Variants in C10orf90 observed in about 807,000 individuals in gnomAD.
The protein encoded by C10orf90 is chromosome 10 open reading frame 90.
Under a neutral mutation model 62.5 loss-of-function variants are expected in C10orf90, and 56 were observed. That is an observed-to-expected ratio of 0.90 (90% CI 0.72 to 1.12). The LOEUF (loss-of-function observed/expected upper bound fraction) is 1.12, where lower values mean the gene tolerates loss of function less well. Ranked by LOEUF, C10orf90 falls within the 50% of genes most tolerant of loss-of-function variation. The probability of loss-of-function intolerance (pLI) is 0.00; values close to 1 mark genes in which losing one functional copy is unlikely to be tolerated. For synonymous variants in C10orf90, 386 were observed against 340.4 expected, an observed-to-expected ratio of 1.13 and a Z score of -1.47; for missense variants, 970 against 880.4, an observed-to-expected ratio of 1.10 and a Z score of -1.29.
intron 2 of C10orf90, among the ~76,000 whole-genome samples, chr10:126,546,444 C>T (rs941622709): frequency 1.3e-5 from 2 of 152,172 alleles, no homozygotes; most frequent in Non-Finnish European, 2.9e-5. Context: ...ATCTCTTCCC[C>T]TCCCCACCAG....
chr10:126,634,986 C>T (rs1845921275), intron 2 of C10orf90, among the ~76,000 whole-genome samples: 1 of 152,208 alleles, frequency 6.6e-6, no homozygotes, highest in Non-Finnish European at 1.5e-5. Context: ...CCCTGACCCC[C>T]AGTGTTGCCC....
At chr10:126,667,163 A>T (rs1425098121) in intron 1 of C10orf90, among the ~76,000 whole-genome samples, 2 of 151,310 alleles carry the variant, frequency 1.3e-5, no homozygotes. Context: ...GATTCATGCC[A>T]TTCTCCTGCC....
At chr10:126,596,793 T>C (rs1247310803) in intron 2 of C10orf90, among the ~76,000 whole-genome samples, 2 of 152,222 alleles carry the variant, frequency 1.3e-5, no homozygotes, top group Non-Finnish European at 2.9e-5. Flanking sequence ...CATTGTAAAG[T>C]TGAAAAATCA....
intron 2 of C10orf90, among the ~76,000 whole-genome samples, chr10:126,630,169 A>T (rs1024960987): frequency 6.6e-6 from 1 of 152,144 alleles, no homozygotes; most frequent in Non-Finnish European, 1.5e-5. Context: ...CCACTTTAAT[A>T]ACAACAAAAT....
chr10:126,457,727 G>C (rs920831312), intron 7 of C10orf90, among the ~76,000 whole-genome samples: 2 of 152,164 alleles, frequency 1.3e-5, no homozygotes, highest in Non-Finnish European at 2.9e-5. Context: ...AGGGCCAGTG[G>C]AGGCACTGAA....
At chr10:126,579,396 A>T (rs1019304425) in intron 2 of C10orf90, among the ~76,000 whole-genome samples, 7 of 151,336 alleles carry the variant, frequency 4.6e-5, no homozygotes, top group African/African-American at 1.7e-4. Flanking sequence ...ACCCACCACC[A>T]TGCCCAGCTA....
At chr10:126,532,791 C>T (rs1864130724) in intron 2 of C10orf90, among the ~76,000 whole-genome samples, 2 of 107,114 alleles carry the variant, frequency 1.9e-5, no homozygotes, top group African/African-American at 3.8e-5. Flanking sequence ...GAGCCGAGAT[C>T]GCGCCACTGC....
At chr10:126,589,278 C>T (rs939618657) in intron 2 of C10orf90, among the ~76,000 whole-genome samples, 3 of 152,134 alleles carry the variant, frequency 2.0e-5, no homozygotes, top group East Asian at 1.9e-4. Flanking sequence ...AGTTGGAAAA[C>T]GTACTTCAGG....
At position 126,505,013 on chromosome 10, in the gene C10orf90, A is replaced by G; in HGVS notation, c.478T>C (p.Ser160Pro). The G allele has an allele frequency of 6.2e-7, 1 of 1,614,132 alleles. No homozygotes were observed. ...GGCAAGGAGGCCCTGTTTTCTCTTG[A>G]CTTATTCTCATCAATCATCTGGGAG... ...VISQMIDENKSRENRASLPLP... is the reference protein window; with the variant it reads ...VISQMIDENKPRENRASLPLP... Residue 160 changes from serine to proline, a missense_variant, in exon 4 of 10, where the codon TCA (serine) becomes CCA (proline). By Grantham distance (74) the Ser-to-Pro change is moderately conservative. Transcript: ENST00000488181.
At chr10:126,548,286 T>C (rs115458289) in intron 2 of C10orf90, among the ~76,000 whole-genome samples, 5,173 of 152,198 alleles carry the variant, frequency 0.034, 293 homozygotes, top group African/African-American at 0.12. Flanking sequence ...CTCGTGCCTG[T>C]AATCCCAGGA....
At chr10:126,512,771 TC>T (rs1863206333) in intron 3 of C10orf90, among the ~76,000 whole-genome samples, 1 of 152,156 alleles carries the variant, frequency 6.6e-6, no homozygotes, top group South Asian at 2.1e-4. Context: ...TAGCCATGCA[TC>T]TTTACATCTT....
chr10:126,473,659 T>TC (rs1860706565), intron 4 of C10orf90, among the ~76,000 whole-genome samples: 1 of 152,046 alleles, frequency 6.6e-6, no homozygotes, highest in African/African-American at 2.4e-5. Flanking sequence ...ATTTTTTTTT[T>TC]ACAATAGATA....
rs113073139 is a variant in C10orf90 at position 126,429,824 on chromosome 10, A to G, written c.2215T>C (p.Cys739Arg). 6.2e-7 allele frequency: 1 copy of G among 1,614,132 alleles called. No individual in the cohort carries two copies. Among genetic ancestry groups the G allele is most frequent in the Non-Finnish European group, 8.5e-7 (1 of 1,179,990 alleles). Residue 739 changes from cysteine (C) to arginine (R), a missense_variant, in exon 8 of 10, where the codon TGC becomes CGC. By Grantham distance (180) the Cys-to-Arg change is radical. Coordinates refer to ENST00000488181, the MANE Select transcript of C10orf90 (RefSeq NM_001350921.2). ...ATATGCATCTCCTTCTCTGAAATGC[A>G]CCGTTCTTTGGGTTTGAACAAGTTA... ...SDNLFKPKERCISEKEMHMRS... is the reference protein window; with the variant it reads ...SDNLFKPKERRISEKEMHMRS...
chr10:126,574,414 C>T (rs943055283), intron 2 of C10orf90, among the ~76,000 whole-genome samples: 6 of 151,972 alleles, frequency 3.9e-5, no homozygotes, highest in South Asian at 4.2e-4. Flanking sequence ...TATGTTTGAC[C>T]TCACTATAAA....
At chr10:126,545,603 ACT>A (rs139640979) in intron 2 of C10orf90, among the ~76,000 whole-genome samples, 21,619 of 151,972 alleles carry the variant, frequency 0.14, 1,649 homozygotes, top group Non-Finnish European at 0.17. Flanking sequence ...TTTAAATGGG[ACT>A]CTCTCCTTTT....
At chr10:126,638,499 C>G (rs1414834686) in intron 2 of C10orf90, among the ~76,000 whole-genome samples, 1 of 152,106 alleles carries the variant, frequency 6.6e-6, no homozygotes, top group Non-Finnish European at 1.5e-5. Context: ...GGATCAGCAG[C>G]TGTGCTGATC....
At chr10:126,452,911 G>A (rs1564801966) in intron 7 of C10orf90, among the ~76,000 whole-genome samples, 1 of 152,138 alleles carries the variant, frequency 6.6e-6, no homozygotes, top group African/African-American at 2.4e-5. Context: ...ATTTATTAAA[G>A]GCTATATGGA....
intron 3 of C10orf90, 101 bp downstream of exon 3, chr10:126,513,746 TA>T: frequency 1.4e-6 from 1 of 709,618 alleles, no homozygotes; most frequent in Non-Finnish European, 2.4e-6. Flanking sequence ...CAATTTTGAC[TA>T]AATAAAATAA....
chr10:126,508,950 C>G (rs1862930933), intron 3 of C10orf90, among the ~76,000 whole-genome samples: 1 of 152,164 alleles, frequency 6.6e-6, no homozygotes, highest in Non-Finnish European at 1.5e-5. Context: ...CTGACTCTGA[C>G]TACACGTCTG....
Sources: allele counts gnomAD v4.1 joint callset (sites outside exome capture counted in the v4.1 genomes callset), GRCh38; gene constraint gnomAD v4.1.1; transcripts MANE v1.5; gene names NCBI Gene and HGNC (gene_info 2026-07-23, HGNC 2026-07-21).